The following MPPED1 variants were observed in gnomAD, a reference collection of about 807,000 sequenced individuals.
The protein encoded by MPPED1 is metallophosphoesterase domain-containing protein 1.
In MPPED1, 16 loss-of-function variants were observed where a neutral mutation model predicts 36.2. The observed-to-expected ratio is 0.44, with a 90% CI of 0.30 to 0.67. MPPED1 has a LOEUF of 0.67. MPPED1 is among the 30% of genes least tolerant of loss of function. The pLI, the probability that MPPED1 is intolerant of heterozygous loss-of-function variation, is 0.10. For synonymous variants in MPPED1, 199 were observed against 191.3 expected (o/e 1.04, Z -0.33); for missense variants, 307 against 453.4 (o/e 0.68, Z 2.93).
chr22:43,415,216 T>C (rs1273866586), intron 1 of MPPED1, among the ~76,000 whole-genome samples: 1 of 36,994 alleles, frequency 2.7e-5, no homozygotes. Flanking sequence ...GTGACTAAAA[T>C]GTCAAAAGCA....
In MPPED1 at chr22:43,460,269, C is replaced by CT. The variant is rs1601977456; in HGVS notation, c.407-14467_407-14466insT. 2.0e-5 allele frequency among the ~76,000 whole-genome samples: 3 copies of CT among 147,528 alleles called. No homozygotes were observed. The East Asian group carries it at 6.2e-4, about 31-fold the overall frequency. ...AAAACAAAAACAAACCCAAACCCCC[C>CT]CCCCCAAACCCAAAGCAAAACAAAA... is the stretch of plus-strand genomic sequence containing the variant. On this transcript the variant is annotated intron_variant, in intron 3 of 6. Transcript: ENST00000443721.
At chr22:43,437,248 A>G (rs540850427) in intron 3 of MPPED1, among the ~76,000 whole-genome samples, 2 of 152,274 alleles carry the variant, frequency 1.3e-5, no homozygotes, top group East Asian at 1.9e-4. Context: ...CTGTGCACCT[A>G]TTTGGTGCGT....
chr22:43,439,920 G>T (rs574605390), intron 3 of MPPED1, among the ~76,000 whole-genome samples: 1 of 152,270 alleles, frequency 6.6e-6, no homozygotes, highest in East Asian at 1.9e-4. Context: ...CCCCAACCCC[G>T]CTGGGCAGAG....
chr22:43,482,828 G>A (rs757420659), intron 4 of MPPED1, among the ~76,000 whole-genome samples: 80 of 152,208 alleles, frequency 5.3e-4, no homozygotes, highest in African/African-American at 1.6e-3. Flanking sequence ...GGCCTTTGAC[G>A]TCCGTTCCTT....
intron 4 of MPPED1, among the ~76,000 whole-genome samples, chr22:43,475,736 TGTG>T (rs200868199): frequency 0.48 from 51,778 of 107,762 alleles, 10,160 homozygotes; most frequent in East Asian, 0.66. Context: ...TGATGATGGT[TGTG>T]GTGGTGGTGG....
Position 43,424,953 on chromosome 22 carries a change from G to T in MPPED1, c.-33G>T. 2.6e-6 allele frequency: 4 copies of T among 1,552,840 alleles called. No individual in the cohort carries two copies. The highest frequency in any genetic ancestry group is 3.5e-6 in the Non-Finnish European group (4 of 1,150,538). ...GGGGCCGGGCTGCGGTGGCGGCAGC[G>T]GTGGGAGATGCCGGGGCGGCCGGCG... On this transcript the variant is annotated 5_prime_UTR_variant, in exon 2 of 7. Transcript: ENST00000443721.
intron 4 of MPPED1, among the ~76,000 whole-genome samples, chr22:43,477,465 G>C (rs900034428): frequency 6.6e-6 from 1 of 152,198 alleles, no homozygotes; most frequent in Non-Finnish European, 1.5e-5. Context: ...CACTCTGGCC[G>C]CTACCCTCCC....
intron 3 of MPPED1, among the ~76,000 whole-genome samples, chr22:43,462,459 T>C (rs1930987560): frequency 6.6e-6 from 1 of 152,196 alleles, no homozygotes; most frequent in Non-Finnish European, 1.5e-5. Flanking sequence ...ACATTACTTT[T>C]AGATTTCTTA....
chr22:43,485,285 T>C (rs111165944), intron 4 of MPPED1, among the ~76,000 whole-genome samples: 23,357 of 151,612 alleles, frequency 0.15, 3,363 homozygotes, highest in African/African-American at 0.38. Context: ...CTCAAACACA[T>C]GCATTCACAC....
At chr22:43,500,520 G>A (rs1383172071) in intron 5 of MPPED1, among the ~76,000 whole-genome samples, 1 of 151,682 alleles carries the variant, frequency 6.6e-6, no homozygotes, top group Non-Finnish European at 1.5e-5. Context: ...CAGCAGGAGG[G>A]AGTTTTCTGT....
chr22:43,432,364 AGG>A (rs1929727302), intron 2 of MPPED1, among the ~76,000 whole-genome samples: 1 of 118,678 alleles, frequency 8.4e-6, no homozygotes, highest in South Asian at 3.3e-4. Context: ...AGAGAGAGAA[AGG>A]GAGAGAGAAA....
intron 3 of MPPED1, among the ~76,000 whole-genome samples, chr22:43,443,230 G>T (rs1280371365): frequency 6.6e-6 from 1 of 152,228 alleles, no homozygotes; most frequent in African/African-American, 2.4e-5. Context: ...AGGCCTGTGG[G>T]CCTGATCCTG....
At chr22:43,477,483 G>T (rs1009908957) in intron 4 of MPPED1, among the ~76,000 whole-genome samples, 2 of 152,212 alleles carry the variant, frequency 1.3e-5, no homozygotes, top group Non-Finnish European at 2.9e-5. Context: ...CCCCTGGGAG[G>T]CTGGGTCCCT....
At chr22:43,427,497 G>A (rs11704390) in intron 2 of MPPED1, among the ~76,000 whole-genome samples, 259 of 152,222 alleles carry the variant, frequency 1.7e-3, no homozygotes, top group Non-Finnish European at 3.1e-3. Context: ...GGTTGGGGGC[G>A]TGCAGGAGAC....
chr22:43,472,120 C>T (rs892655229), intron 3 of MPPED1, among the ~76,000 whole-genome samples: 2 of 152,224 alleles, frequency 1.3e-5, no homozygotes, highest in African/African-American at 2.4e-5. Context: ...GGGACACAGA[C>T]ACTCAGCACT....
At position 43,412,130 on chromosome 22, in the gene MPPED1, G is replaced by T; in HGVS notation, c.-107G>T. On this transcript the variant is annotated 5_prime_UTR_variant, in exon 1 of 7. Transcript: ENST00000443721. The stretch of plus-strand genomic sequence containing the variant: ...GTGCGCGCTGCTGCTCGCAGCCGCC[G>T]CGGCCGCCGAAGAGGAGCCCGGGGC... 2.0e-6 allele frequency: 2 copies of T among 979,722 alleles called. No homozygotes were observed. The highest frequency in any genetic ancestry group is 2.4e-6 in the Non-Finnish European group (2 of 827,682). The allele number at this position is 979,722 out of a possible 1,614,324, so 60.7% of individuals were successfully genotyped here.
chr22:43,437,338 C>T (rs1569069306), intron 3 of MPPED1, among the ~76,000 whole-genome samples: 1 of 152,134 alleles, frequency 6.6e-6, no homozygotes, highest in Non-Finnish European at 1.5e-5. Context: ...ATACCCTTCG[C>T]ATGTATTAGT....
chr22:43,455,398 C>T (rs1930721009), intron 3 of MPPED1, among the ~76,000 whole-genome samples: 1 of 152,152 alleles, frequency 6.6e-6, no homozygotes, highest in Non-Finnish European at 1.5e-5. Flanking sequence ...GCGTGAGCCA[C>T]TGCGCCAGGT....
chr22:43,429,710 A>G (rs1929607155), intron 2 of MPPED1, among the ~76,000 whole-genome samples: 1 of 152,210 alleles, frequency 6.6e-6, no homozygotes, highest in South Asian at 2.1e-4. Flanking sequence ...CCTGGTGCCT[A>G]GCACAGGGAA....
Sources: allele counts gnomAD v4.1 joint callset (sites outside exome capture counted in the v4.1 genomes callset), GRCh38; gene constraint gnomAD v4.1.1; transcripts MANE v1.5; gene names NCBI Gene and HGNC (gene_info 2026-07-23, HGNC 2026-07-21).